The following PTCH1 variants were observed in gnomAD, a reference collection of about 807,000 sequenced individuals.
PTCH1 encodes protein patched homolog 1.
A neutral mutation model predicts 144.6 loss-of-function variants in PTCH1; 14 were observed. That is an observed-to-expected ratio of 0.10 (90% CI 0.06 to 0.15). PTCH1 has a LOEUF of 0.15. Ranked by LOEUF, PTCH1 falls within the 10% of genes least tolerant of loss-of-function variation. The probability of loss-of-function intolerance (pLI) is 1.00; values close to 1 mark genes in which losing one functional copy is unlikely to be tolerated. For missense variants in PTCH1, 1,623 were observed against 1,948.3 expected (o/e 0.83, Z 3.14); for synonymous variants, 833 against 793.6 (o/e 1.05, Z -0.83).
chr9:95,455,583 T>G (rs902618123), intron 19 of PTCH1, among the ~76,000 whole-genome samples: 5 of 152,218 alleles, frequency 3.3e-5, no homozygotes, highest in Non-Finnish European at 7.3e-5. Context: ...GGACTAAAGA[T>G]TCCTTCTGAA....
At chr9:95,462,517 G>C (rs1159922712) in intron 15 of PTCH1, among the ~76,000 whole-genome samples, 3 of 152,218 alleles carry the variant, frequency 2.0e-5, no homozygotes, top group Non-Finnish European at 4.4e-5. Flanking sequence ...TGTTCGACTT[G>C]TGGAGCTAAC....
At chr9:95,466,322 C>T (rs1247386224) in intron 15 of PTCH1, among the ~76,000 whole-genome samples, 2 of 152,198 alleles carry the variant, frequency 1.3e-5, no homozygotes, top group Non-Finnish European at 1.5e-5. Flanking sequence ...GCTGGGATTA[C>T]AGGCGTGAGC....
intron 22 of PTCH1, 117 bp downstream of exon 22, chr9:95,448,952 T>C: frequency 2.1e-6 from 3 of 1,424,830 alleles, no homozygotes; most frequent in Non-Finnish European, 1.9e-6. Context: ...GTACCTTATC[T>C]CTGCATCCCA....
At chr9:95,511,062 C>T (rs1481385972), upstream of PTCH1, among the ~76,000 whole-genome samples, 1 of 149,998 alleles carries the variant, frequency 6.7e-6, no homozygotes, top group Non-Finnish European at 1.5e-5. Flanking sequence ...GCCCAATGCC[C>T]GCGCCGCCTC....
chr9:95,511,199 C>T (rs2118935760), upstream of PTCH1, among the ~76,000 whole-genome samples: 1 of 150,916 alleles, frequency 6.6e-6, no homozygotes, highest in South Asian at 2.1e-4. Flanking sequence ...GCGGCTCCCG[C>T]AGGGGGCCCG....
chr9:95,466,794 A>T (rs940868274), intron 15 of PTCH1, among the ~76,000 whole-genome samples: 1 of 152,230 alleles, frequency 6.6e-6, no homozygotes, highest in Non-Finnish European at 1.5e-5. Context: ...TGGTCACCAA[A>T]CTAGCCACCG....
chr9:95,501,846 A>G lies in PTCH1; in HGVS notation c.394+4561T>C, dbSNP rs546019976. Among the ~76,000 whole-genome samples the G allele has an allele frequency of 2.4e-4, 36 of 152,322 alleles. No homozygotes were observed. In the South Asian group the frequency reaches 7.1e-3, roughly 30 times the overall value. On this transcript the variant is annotated intron_variant, in intron 2 of 23. Transcript: ENST00000331920. ...GGTTAAAACTGCTTAACAAAAAGGA[A>G]ATACCAACAAAGAAACAGGCAAGAT...
rs191283926 is a variant in PTCH1 at position 95,482,248 on chromosome 9, G to C, written c.585-45C>G. 1,386 of 1,537,336 alleles carry C rather than the reference G, an allele frequency of 9.0e-4. 4 individuals carry two copies. Among genetic ancestry groups the C allele is most frequent in the Non-Finnish European group, 1.0e-3 (1,120 of 1,111,876 alleles). On this transcript the variant is annotated intron_variant, in intron 3 of 23. Coordinates refer to ENST00000331920, the MANE Select transcript of PTCH1 (RefSeq NM_000264.5). ...AGACAAAAATTTCTCACTGTAATAA[G>C]AAAATTAGTGCAAATTCGAAATGAT...
At chr9:95,505,896 T>C (rs1843551788) in intron 2 of PTCH1, among the ~76,000 whole-genome samples, 1 of 145,338 alleles carries the variant, frequency 6.9e-6, no homozygotes, top group Admixed American at 6.8e-5. Context: ...CCCCCGGCCC[T>C]CCCCAGCGCG....
intron 8 of PTCH1, 45 bp downstream of exon 8, chr9:95,478,955 T>A: frequency 1.2e-6 from 2 of 1,613,288 alleles, no homozygotes; most frequent in Non-Finnish European, 1.7e-6. Flanking sequence ...AAATGAAGAA[T>A]TGCATAACCA....
intron 12 of PTCH1, among the ~76,000 whole-genome samples, chr9:95,473,851 T>C (rs941545420): frequency 6.6e-6 from 1 of 152,184 alleles, no homozygotes; most frequent in Admixed American, 6.5e-5. Flanking sequence ...ACTCCTTTTT[T>C]CTTTTGACAG....
At chr9:95,461,475 A>G (rs934611111) in intron 16 of PTCH1, among the ~76,000 whole-genome samples, 2 of 152,142 alleles carry the variant, frequency 1.3e-5, no homozygotes, top group African/African-American at 4.8e-5. Flanking sequence ...CAAGAAATCC[A>G]TCTTTCCAAG....
chr9:95,500,244 G>T (rs1048927704), intron 2 of PTCH1, among the ~76,000 whole-genome samples: 3 of 152,240 alleles, frequency 2.0e-5, no homozygotes, highest in Middle Eastern at 3.4e-3. Flanking sequence ...ACTTGGTGAA[G>T]GGTCAAGAAT....
At chr9:95,515,922 G>A (rs1248154268) in intron 1 of PTCH1, among the ~76,000 whole-genome samples, 1 of 151,966 alleles carries the variant, frequency 6.6e-6, no homozygotes, top group East Asian at 2.0e-4. Context: ...GGGCGCGAGC[G>A]TGCCCTTCCC....
At chr9:95,481,315 T>C (rs1165698225) in intron 5 of PTCH1, among the ~76,000 whole-genome samples, 1 of 152,260 alleles carries the variant, frequency 6.6e-6, no homozygotes, top group Non-Finnish European at 1.5e-5. Flanking sequence ...AAATTGCTTT[T>C]GCAGATATGT....
chr9:95,462,772 A>AG (rs1254600775), intron 15 of PTCH1, among the ~76,000 whole-genome samples: 2 of 152,172 alleles, frequency 1.3e-5, no homozygotes, highest in African/African-American at 2.4e-5. Flanking sequence ...CAAGCCGGGG[A>AG]GGGGGAGGAA....
chr9:95,512,046 C>T (rs539572240), upstream of PTCH1, among the ~76,000 whole-genome samples: 673 of 152,278 alleles, frequency 4.4e-3, 6 homozygotes, highest in Middle Eastern at 0.01. Flanking sequence ...AGAAGGAATT[C>T]TGGAAGGAAA....
chr9:95,510,369 C>A (rs1379268959), upstream of PTCH1, among the ~76,000 whole-genome samples: 1 of 152,162 alleles, frequency 6.6e-6, no homozygotes. Context: ...GTGCGCGGAT[C>A]GCGAGGATTC....
intron 13 of PTCH1, among the ~76,000 whole-genome samples, 199 bp downstream of exon 13, chr9:95,469,608 TGTTCAG>T (rs1223258315): frequency 6.6e-6 from 1 of 152,206 alleles, no homozygotes; most frequent in Non-Finnish European, 1.5e-5. Context: ...GCTGTGAGAC[TGTTCAG>T]CTGCGGCAGG....
Sources: gnomAD v4.1 joint callset for allele counts (sites outside exome capture counted in the v4.1 genomes callset) on GRCh38, gnomAD v4.1.1 for gene constraint, MANE v1.5 for transcripts, NCBI Gene and HGNC (gene_info 2026-07-23, HGNC 2026-07-21) for gene names.